The following DPY19L2 variants were observed in gnomAD, a reference collection of about 807,000 sequenced individuals.
The protein encoded by DPY19L2 is probable C-mannosyltransferase DPY19L2.
A neutral mutation model predicts 97.9 loss-of-function variants in DPY19L2; 34 were observed. The observed-to-expected ratio is 0.35, with a 90% confidence interval of 0.26 to 0.46. The LOEUF is 0.46. Ranked by LOEUF, DPY19L2 falls within the 20% of genes least tolerant of loss-of-function variation. The pLI is 1.00. For synonymous variants in DPY19L2, 230 were observed against 307.9 expected (o/e 0.75, Z 2.65); for missense variants, 623 against 911.4 (o/e 0.68, Z 4.07).
intron 5 of DPY19L2, among the ~76,000 whole-genome samples, 179 bp downstream of exon 5, chr12:63,647,066 T>G (rs1453166444): frequency 1.3e-5 from 2 of 152,166 alleles, no homozygotes; most frequent in Non-Finnish European, 2.9e-5. Context: ...ACTCAAATTT[T>G]TAAGTACACA....
intron 6 of DPY19L2, among the ~76,000 whole-genome samples, chr12:63,629,090 G>C (rs560057939): frequency 6.6e-6 from 1 of 152,062 alleles, no homozygotes; most frequent in South Asian, 2.1e-4. Context: ...AAAGACCAAA[G>C]GTAGATAAAA....
chr12:63,650,331 AAAAG>A (rs1316019697), intron 4 of DPY19L2, among the ~76,000 whole-genome samples: 12 of 152,154 alleles, frequency 7.9e-5, no homozygotes, highest in African/African-American at 2.9e-4. Flanking sequence ...GCAATCAGGC[AAAAG>A]AAAGAAAGAA....
chr12:63,629,957 A>T (rs1890287080), intron 6 of DPY19L2, among the ~76,000 whole-genome samples: 1 of 152,192 alleles, frequency 6.6e-6, no homozygotes, highest in Non-Finnish European at 1.5e-5. Flanking sequence ...CTTCATATCC[A>T]GCCAAACTAA....
At position 63,668,241 on chromosome 12, in the gene DPY19L2, G is replaced by A. The variant is rs2136179782; in HGVS notation, c.153C>T (p.Ser51=). 1 of 1,613,874 alleles carries A rather than the reference G, an allele frequency of 6.2e-7. No individual in the cohort carries two copies. Among genetic ancestry groups the A allele is most frequent in the Non-Finnish European group, 8.5e-7 (1 of 1,179,886 alleles). ...GGATCCTCCCCGGGGAGGACCTCCA[G>A]GAGCCCCTTGGCAGTTTCCCGCCGC... ...ALGGGKLPRG[S]WRSSPGRIQS... is the part of the protein sequence containing the mutation. The change falls in exon 1 of 22, where the codon TCC becomes TCT. Residue 51 remains serine (S), a synonymous_variant. Coordinates refer to ENST00000324472, the MANE Select transcript of DPY19L2 (RefSeq NM_173812.5).
At chr12:63,562,827 T>C (rs1362034932) in intron 21 of DPY19L2, among the ~76,000 whole-genome samples, 1 of 151,326 alleles carries the variant, frequency 6.6e-6, no homozygotes, top group Non-Finnish European at 1.5e-5. Flanking sequence ...AGACAAGGTC[T>C]TGCTCTGTCG....
At chr12:63,606,150 G>A (rs1299410436) in intron 12 of DPY19L2, among the ~76,000 whole-genome samples, 1 of 151,924 alleles carries the variant, frequency 6.6e-6, no homozygotes, top group African/African-American at 2.4e-5. Context: ...CCATGGTATT[G>A]AATTCTTCTA....
rs774183925 is a variant in DPY19L2 at position 63,624,082 on chromosome 12, G to T, written c.911C>A (p.Pro304His). The stretch of plus-strand genomic sequence containing the variant: ...AATACACATCTGAAGTACAAGGAAA[G>T]GATAGGAAAAACTTTCACGGAGAGG... Reference protein sequence around the residue: ...TPPLRESFSYPFLVLQMCILT... With the variant: ...TPPLRESFSYHFLVLQMCILT... Residue 304 changes from proline (P) to histidine (H), a missense_variant, in exon 8 of 22, where the codon CCT becomes CAT. Coordinates refer to ENST00000324472, the MANE Select transcript of DPY19L2 (RefSeq NM_173812.5). The T allele has an allele frequency of 3.1e-6, 5 of 1,611,648 alleles. No individual in the cohort carries two copies. Among genetic ancestry groups the T allele is most frequent in the Non-Finnish European group, 4.2e-6 (5 of 1,179,668 alleles).
chr12:63,627,523 T>C (rs1389064589), intron 6 of DPY19L2, among the ~76,000 whole-genome samples: 4 of 152,128 alleles, frequency 2.6e-5, no homozygotes, highest in African/African-American at 9.7e-5. Flanking sequence ...GCGATTTTTG[T>C]ATTTTTAGTA....
chr12:63,565,553 A>G (rs1877502927), intron 21 of DPY19L2, among the ~76,000 whole-genome samples: 1 of 152,198 alleles, frequency 6.6e-6, no homozygotes, highest in South Asian at 2.1e-4. Context: ...ATGAGCATTA[A>G]TTTAATCACA....
rs1592345788 is a variant in DPY19L2 at position 63,560,021 on chromosome 12, A to G, written c.*491T>C. The G allele has an allele frequency of 6.5e-6, 1 of 152,694 alleles. No individual in the cohort carries two copies. The highest frequency in any genetic ancestry group is 1.9e-4 in the East Asian group (1 of 5,194). 9.5% of individuals were successfully genotyped at this position (152,694 alleles called of 1,614,324 possible). A position where few individuals can be genotyped will look rare whatever the true frequency, so the allele number is the denominator to read the frequency against. ...GCTGGTAAAATAAAAACACCTTAAA[A>G]GACACACTGTTACAATTTCCTCACA... On this transcript the variant is annotated 3_prime_UTR_variant, in exon 22 of 22. Coordinates refer to ENST00000324472, the MANE Select transcript of DPY19L2 (RefSeq NM_173812.5).
chr12:63,563,943 T>C (rs1317920233), intron 21 of DPY19L2, among the ~76,000 whole-genome samples: 4 of 152,148 alleles, frequency 2.6e-5, no homozygotes, highest in African/African-American at 7.2e-5. Flanking sequence ...AGGTAATAGA[T>C]ATAAGATTTT....
intron 12 of DPY19L2, among the ~76,000 whole-genome samples, chr12:63,602,186 G>C (rs1885293365): frequency 6.6e-6 from 1 of 151,316 alleles, no homozygotes; most frequent in Non-Finnish European, 1.5e-5. Context: ...CAAAAACCAA[G>C]AACAGAAATG....
intron 12 of DPY19L2, among the ~76,000 whole-genome samples, chr12:63,604,493 T>C (rs1592534038): frequency 6.6e-6 from 1 of 152,096 alleles, no homozygotes; most frequent in East Asian, 1.9e-4. Context: ...TATTAGATCT[T>C]TTGTTACTAC....
intron 6 of DPY19L2, among the ~76,000 whole-genome samples, chr12:63,636,930 C>A (rs1017482092): frequency 2.0e-5 from 3 of 151,992 alleles, no homozygotes; most frequent in Non-Finnish European, 2.9e-5. Flanking sequence ...CTGCACCAGG[C>A]GGACCTAATA....
intron 6 of DPY19L2, among the ~76,000 whole-genome samples, chr12:63,631,832 C>A (rs13137982): frequency 6.6e-6 from 1 of 151,988 alleles, no homozygotes; most frequent in Non-Finnish European, 1.5e-5. Flanking sequence ...ATTGGCAAAC[C>A]GAATCCAGCA....
rs1047213903 is a variant in DPY19L2 at position 63,648,661 on chromosome 12, C to T, written c.589-1296G>A. On this transcript the variant is annotated intron_variant, in intron 4 of 21. Coordinates refer to ENST00000324472, the MANE Select transcript of DPY19L2 (RefSeq NM_173812.5). ...CAGGCTGGTCTCAAACTCCTGACCT[C>T]AGATGATCCTGAAAGCAACAAGATG... 1.2e-4 allele frequency among the ~76,000 whole-genome samples: 19 copies of T among 152,078 alleles called. 1 individual carries two copies. Among genetic ancestry groups the T allele is most frequent in the African/African-American group, 4.3e-4 (18 of 41,516 alleles).
chr12:63,615,256 T>C (rs1887653394), intron 11 of DPY19L2, among the ~76,000 whole-genome samples: 2 of 152,296 alleles, frequency 1.3e-5, no homozygotes, highest in Admixed American at 1.3e-4. Context: ...TTCATTATTT[T>C]TAAAACTTGC....
intron 21 of DPY19L2, among the ~76,000 whole-genome samples, chr12:63,561,387 T>C (rs2137232905): frequency 6.6e-6 from 1 of 152,246 alleles, no homozygotes. Context: ...TACAGAAAAT[T>C]TCCATCACCC....
chr12:63,624,445 C>T (rs1276292521), intron 7 of DPY19L2, among the ~76,000 whole-genome samples: 2 of 151,992 alleles, frequency 1.3e-5, no homozygotes, highest in Non-Finnish European at 2.9e-5. Context: ...CACAGCCCAG[C>T]CCTGCAGTAT....
Sources: allele counts gnomAD v4.1 joint callset (sites outside exome capture counted in the v4.1 genomes callset), GRCh38; gene constraint gnomAD v4.1.1; transcripts MANE v1.5; gene names NCBI Gene and HGNC (gene_info 2026-07-23, HGNC 2026-07-21).